The following ANKRD18A variants were observed in gnomAD, a reference collection of about 807,000 sequenced individuals.
The protein encoded by ANKRD18A is ankyrin repeat domain 18A, also known as ankyrin repeat domain-containing protein 18A.
Under a neutral mutation model 110.6 loss-of-function variants are expected in ANKRD18A, and 72 were observed. The ratio of observed to expected loss-of-function variants is 0.65; its 90% CI spans 0.54 to 0.79. The LOEUF (loss-of-function observed/expected upper bound fraction) is 0.79, where lower values mean the gene tolerates loss of function less well. Ranked by LOEUF, ANKRD18A falls within the 30% of genes least tolerant of loss-of-function variation. The pLI, the probability that ANKRD18A is intolerant of heterozygous loss-of-function variation, is 0.00. For missense variants in ANKRD18A, 934 were observed against 1,163.3 expected, an observed-to-expected ratio of 0.80 and a Z score of 2.87; for synonymous variants, 305 against 410.3, an observed-to-expected ratio of 0.74 and a Z score of 3.10.
intron 1 of ANKRD18A, among the ~76,000 whole-genome samples, chr9:38,617,790 CA>C (rs1489861886): frequency 2.6e-5 from 4 of 152,076 alleles, no homozygotes; most frequent in African/African-American, 9.7e-5. Flanking sequence ...AGAGATAGTG[CA>C]AAATGTTTGC....
At chr9:38,590,590 A>G (rs1824603634) in intron 10 of ANKRD18A, among the ~76,000 whole-genome samples, 1 of 152,232 alleles carries the variant, frequency 6.6e-6, no homozygotes, top group African/African-American at 2.4e-5. Context: ...CATGAGAATC[A>G]GATTATCAAT....
chr9:38,583,486 T>G lies in ANKRD18A; in HGVS notation c.2247+2697A>C, dbSNP rs545989079. ...GCAACCTCTGCCTCCTGGGTCCGGG[T>G]TCAAGCAATTCTCCTGCCTCAGTCT... On this transcript the variant is annotated intron_variant, in intron 12 of 15. Coordinates refer to ENST00000399703, the MANE Select transcript of ANKRD18A (RefSeq NM_147195.4). 6.2e-3 allele frequency among the ~76,000 whole-genome samples: 947 copies of G among 152,006 alleles called. 8 individuals are homozygous for G. The highest frequency in any genetic ancestry group is 0.022 in the African/African-American group (911 of 41,452).
At chr9:38,609,600 C>A (rs2118862048) in intron 5 of ANKRD18A, among the ~76,000 whole-genome samples, 1 of 152,122 alleles carries the variant, frequency 6.6e-6, no homozygotes. Context: ...TCAATCATTA[C>A]CAGATTGCAG....
At chr9:38,606,695 A>C (rs1418462760) in intron 6 of ANKRD18A, among the ~76,000 whole-genome samples, 5 of 152,216 alleles carry the variant, frequency 3.3e-5, no homozygotes, top group African/African-American at 7.2e-5. Context: ...AACCCCCACA[A>C]TATTCAAGAA....
At position 38,586,222 on chromosome 9, in the gene ANKRD18A, T is replaced by C; in HGVS notation, c.2208A>G (p.Gln736=). The C allele has an allele frequency of 6.2e-7, 1 of 1,610,250 alleles. No homozygotes were observed. Among genetic ancestry groups the C allele is most frequent in the Non-Finnish European group, 8.5e-7 (1 of 1,178,572 alleles). Residue 736 remains glutamine, a synonymous_variant, in exon 12 of 16, where the codon CAA becomes CAG. Transcript: ENST00000399703. ...TCTTAAACAGAATATCCATTTTCAG[T>C]TGGTCTGTATTTAAGTCTCCATGGC... ...FSCHGDLNTD[Q]LKMDILFKKL...
intron 7 of ANKRD18A, 67 bp downstream of exon 7, chr9:38,603,092 C>A: frequency 6.6e-7 from 1 of 1,526,556 alleles, no homozygotes; most frequent in Non-Finnish European, 8.8e-7. Context: ...CCATTAACTA[C>A]GGCTGAAGCT....
chr9:38,579,077 G>C (rs1380048341), intron 12 of ANKRD18A, among the ~76,000 whole-genome samples: 1 of 152,138 alleles, frequency 6.6e-6, no homozygotes, highest in African/African-American at 2.4e-5. Flanking sequence ...AAGGTGCCAA[G>C]AACATACATT....
intron 3 of ANKRD18A, among the ~76,000 whole-genome samples, chr9:38,614,239 T>TGCTG (rs1218299563): frequency 1.4e-5 from 2 of 146,746 alleles, no homozygotes; most frequent in African/African-American, 5.1e-5. Flanking sequence ...TTTTTTTTTT[T>TGCTG]TTTTGCTCTT....
In ANKRD18A at chr9:38,577,163, G is replaced by A. The variant is rs1823931461; in HGVS notation, c.2631C>T (p.Phe877=). 1 of 1,549,060 alleles carries A rather than the reference G, an allele frequency of 6.5e-7. No individual in the cohort carries two copies. The highest frequency in any genetic ancestry group is 1.4e-5 in the African/African-American group (1 of 73,030). Residue 877 remains phenylalanine (F), a synonymous_variant, in exon 14 of 16, where the codon TTC becomes TTT. Coordinates refer to ENST00000399703, the MANE Select transcript of ANKRD18A (RefSeq NM_147195.4). ...ELTLKDVECK[F]SKMKTAYEEV... ...CTTCATAAGCAGTTTTCATTTTGGA[G>A]AATTTACATTCCACATCTTTAAGTG...
chr9:38,612,521 C>CTTTTTTTTT lies in ANKRD18A; in HGVS notation c.496-1209_496-1201dup, dbSNP rs767816627. Among the ~76,000 whole-genome samples, 290 of 124,212 alleles carry CTTTTTTTTT rather than the reference C, an allele frequency of 2.3e-3. 5 individuals carry two copies. Among genetic ancestry groups the CTTTTTTTTT allele is most frequent in the East Asian group, 5.3e-3 (24 of 4,522 alleles). 81.5% of individuals were successfully genotyped at this position (124,212 alleles called of 152,430 possible). ...AAGTCACTTGCATTTTTTTCTTTTT[C>CTTTTTTTTT]TTTTTTTTTTTTTGGAAATGGGGTC... is the stretch of plus-strand genomic sequence containing the variant. On this transcript the variant is annotated intron_variant, in intron 3 of 15. Coordinates refer to ENST00000399703, the MANE Select transcript of ANKRD18A (RefSeq NM_147195.4).
At chr9:38,612,782 G>T (rs1479378822) in intron 3 of ANKRD18A, among the ~76,000 whole-genome samples, 1 of 152,064 alleles carries the variant, frequency 6.6e-6, no homozygotes, top group Admixed American at 6.5e-5. Flanking sequence ...CTCCCAAAGT[G>T]CTGGGATTAC....
At chr9:38,609,241 A>G (rs965934235) in intron 5 of ANKRD18A, among the ~76,000 whole-genome samples, 1 of 152,136 alleles carries the variant, frequency 6.6e-6, no homozygotes, top group African/African-American at 2.4e-5. Context: ...GCACTTTAGG[A>G]GGCCGAGGAG....
At chr9:38,604,700 A>G (rs1363948918) in intron 6 of ANKRD18A, among the ~76,000 whole-genome samples, 1 of 151,750 alleles carries the variant, frequency 6.6e-6, no homozygotes, top group Non-Finnish European at 1.5e-5. Flanking sequence ...TAAAACAACA[A>G]CAAAGTCTTT....
At chr9:38,596,703 A>G (rs1191226475) in intron 8 of ANKRD18A, among the ~76,000 whole-genome samples, 1 of 152,162 alleles carries the variant, frequency 6.6e-6, no homozygotes, top group Non-Finnish European at 1.5e-5. Context: ...TCAAAGCATA[A>G]AGTTGTTAAA....
At chr9:38,602,868 C>T (rs1024512668) in intron 7 of ANKRD18A, among the ~76,000 whole-genome samples, 6 of 152,164 alleles carry the variant, frequency 3.9e-5, no homozygotes, top group Non-Finnish European at 8.8e-5. Flanking sequence ...CGGGGTCTGG[C>T]GATGTTGCCC....
At chr9:38,584,716 T>A (rs1013732792) in intron 12 of ANKRD18A, among the ~76,000 whole-genome samples, 1 of 152,180 alleles carries the variant, frequency 6.6e-6, no homozygotes, top group Non-Finnish European at 1.5e-5. Flanking sequence ...TATTTTAAAG[T>A]ATCTTTTTAT....
intron 3 of ANKRD18A, 124 bp downstream of exon 3, chr9:38,615,470 T>G (rs1825810062): frequency 7.4e-6 from 10 of 1,342,706 alleles, no homozygotes; most frequent in Non-Finnish European, 8.9e-6. Context: ...TAAAGTAAAA[T>G]TTTAGACAAT....
chr9:38,610,857 T>TAATAATAATA (rs1825588250), intron 4 of ANKRD18A, among the ~76,000 whole-genome samples: 1 of 133,778 alleles, frequency 7.5e-6, no homozygotes, highest in Non-Finnish European at 1.6e-5. Context: ...CAGCAACAAC[T>TAATAATAATA]ATAATAATAA....
chr9:38,567,221 C>A (rs555615348), downstream of ANKRD18A: 3 of 152,286 alleles, frequency 2.0e-5, no homozygotes, highest in East Asian at 5.8e-4. Flanking sequence ...TATTCTATCG[C>A]CATATTAACT....
Sources: gnomAD v4.1 joint callset for allele counts (sites outside exome capture counted in the v4.1 genomes callset) on GRCh38, gnomAD v4.1.1 for gene constraint, MANE v1.5 for transcripts, NCBI Gene and HGNC (gene_info 2026-07-23, HGNC 2026-07-21) for gene names.